Variants in UNC79 observed in about 807,000 individuals in gnomAD.
UNC79 encodes the protein protein unc-79 homolog.
A neutral mutation model predicts 283.1 loss-of-function variants in UNC79; 37 were observed. That is an observed-to-expected ratio of 0.13 (90% confidence interval 0.10 to 0.17). The LOEUF (loss-of-function observed/expected upper bound fraction) is 0.17, where lower values mean the gene tolerates loss of function less well. UNC79 is among the 10% of genes least tolerant of loss of function. UNC79 has a pLI of 1.00. For synonymous variants in UNC79, 1,107 were observed against 1,200.2 expected, an observed-to-expected ratio of 0.92 and a Z score of 1.61; for missense variants, 2,272 against 3,211.1, an observed-to-expected ratio of 0.71 and a Z score of 7.07.
intron 1 of UNC79, among the ~76,000 whole-genome samples, chr14:93,418,998 G>A (rs1399135720): frequency 1.3e-5 from 2 of 151,794 alleles, no homozygotes; most frequent in Non-Finnish European, 2.9e-5. Flanking sequence ...GCATCGCCCT[G>A]TTTCGGCTCA....
At chr14:93,360,587 G>A (rs2054200507) in intron 1 of UNC79, among the ~76,000 whole-genome samples, 1 of 152,206 alleles carries the variant, frequency 6.6e-6, no homozygotes, top group Admixed American at 6.5e-5. Flanking sequence ...CCCACCAGAA[G>A]CAATTTGCCT....
intron 7 of UNC79, among the ~76,000 whole-genome samples, chr14:93,497,882 A>G (rs2059090727): frequency 2.0e-5 from 3 of 152,058 alleles, no homozygotes; most frequent in Non-Finnish European, 1.5e-5. Context: ...GCTACTTGGG[A>G]GGCTGAGGCA....
intron 7 of UNC79, among the ~76,000 whole-genome samples, chr14:93,501,638 A>G (rs1567012947): frequency 6.6e-6 from 1 of 151,982 alleles, no homozygotes; most frequent in Admixed American, 6.5e-5. Flanking sequence ...CAGTGAGCTG[A>G]GATCGCACCA....
At chr14:93,525,406 A>C (rs2060501868) in intron 8 of UNC79, among the ~76,000 whole-genome samples, 1 of 151,890 alleles carries the variant, frequency 6.6e-6, no homozygotes, top group Non-Finnish European at 1.5e-5. Context: ...AGGAGATTGC[A>C]CCACTGCACT....
intron 7 of UNC79, among the ~76,000 whole-genome samples, chr14:93,504,273 C>CCTCCTT (rs10656334): frequency 6.6e-6 from 1 of 151,808 alleles, no homozygotes. Context: ...TCCTCCTCCT[C>CCTCCTT]CATTTCTTCC....
chr14:93,471,400 A>G (rs1265268000), intron 2 of UNC79, among the ~76,000 whole-genome samples: 1 of 152,154 alleles, frequency 6.6e-6, no homozygotes, highest in Non-Finnish European at 1.5e-5. Flanking sequence ...AATGTTTGAT[A>G]AAGAGAATCT....
chr14:93,465,119 T>C (rs570883355), intron 1 of UNC79, among the ~76,000 whole-genome samples: 1 of 152,132 alleles, frequency 6.6e-6, no homozygotes, highest in South Asian at 2.1e-4. Flanking sequence ...TCTTTCTTCC[T>C]TTTTTTTCTC....
At chr14:93,538,276 C>A in intron 12 of UNC79, 58 bp downstream of exon 12, 1 of 1,453,812 alleles carries the variant, frequency 6.9e-7, no homozygotes, top group Non-Finnish European at 9.1e-7. Flanking sequence ...TTGAGCTAAG[C>A]TCCGCACACT....
intron 35 of UNC79, among the ~76,000 whole-genome samples, chr14:93,647,673 G>A (rs915333604): frequency 1.2e-4 from 18 of 152,182 alleles, no homozygotes; most frequent in South Asian, 4.1e-4. Flanking sequence ...GTAGAGCCCT[G>A]CAGGTCATTT....
chr14:93,393,316 G>A (rs1415091122), intron 1 of UNC79, among the ~76,000 whole-genome samples: 3 of 152,116 alleles, frequency 2.0e-5, no homozygotes, highest in African/African-American at 4.8e-5. Flanking sequence ...TTCAGTAAAT[G>A]GTTCTTGAAT....
In UNC79 at chr14:93,617,022, G is replaced by A. The variant is rs535611976; in HGVS notation, c.4042-100G>A. Reference sequence around the variant, plus strand: ...GGGATGCCTGTTAAATATTTTGCCTGTTAAAAATTTTAACCACTGGGATGG... The same window carrying A: ...GGGATGCCTGTTAAATATTTTGCCTATTAAAAATTTTAACCACTGGGATGG... On this transcript the variant is annotated intron_variant, in intron 27 of 48. Coordinates refer to ENST00000555664, the Ensembl canonical transcript of UNC79. The surrounding 1 kb of genome is among the most constrained non-coding windows in gnomAD (Gnocchi z 4.5). 185 of 1,063,762 alleles carry A rather than the reference G, an allele frequency of 1.7e-4. No homozygotes were observed. Among genetic ancestry groups the A allele is most frequent in the Non-Finnish European group, 2.4e-4 (183 of 750,934 alleles). The allele number at this position is 1,063,762 out of a possible 1,614,324, so 65.9% of individuals were successfully genotyped here.
intron 14 of UNC79, among the ~76,000 whole-genome samples, chr14:93,570,784 C>T (rs2063166388): frequency 6.6e-6 from 1 of 152,204 alleles, no homozygotes; most frequent in African/African-American, 2.4e-5. Flanking sequence ...AAGGATCTGT[C>T]TTCTGGCCAC....
intron 1 of UNC79, among the ~76,000 whole-genome samples, chr14:93,404,053 C>CT (rs1336232776): frequency 6.6e-6 from 1 of 151,786 alleles, no homozygotes; most frequent in African/African-American, 2.4e-5. Context: ...AAAGTAAACC[C>CT]AGGAGAAGGG....
chr14:93,485,311 A>C (rs12888273), intron 4 of UNC79, among the ~76,000 whole-genome samples: 23 of 150,740 alleles, frequency 1.5e-4, no homozygotes, highest in African/African-American at 5.6e-4. Flanking sequence ...CTTTTTTTTA[A>C]CAAAGGGCAC....
At chr14:93,380,205 A>C (rs1261601196) in intron 1 of UNC79, among the ~76,000 whole-genome samples, 2 of 152,242 alleles carry the variant, frequency 1.3e-5, no homozygotes, top group Non-Finnish European at 2.9e-5. Context: ...AGGTTCAGGA[A>C]AAATTTGAAC....
chr14:93,500,782 T>C lies in UNC79; in HGVS notation c.898+3496T>C, dbSNP rs993728741. 3.9e-5 allele frequency among the ~76,000 whole-genome samples: 6 copies of C among 152,328 alleles called. No individual in the cohort carries two copies. The South Asian group carries it at 1.0e-3, about 26-fold the overall frequency. On this transcript the variant is annotated intron_variant, in intron 7 of 48. Transcript: ENST00000555664. Reference sequence around the variant, plus strand: ...GCCCCACATTTTTCTACTTTAACTGTGTTACATCACTTTTTTCAGTTCAGT... The same window carrying C: ...GCCCCACATTTTTCTACTTTAACTGCGTTACATCACTTTTTTCAGTTCAGT...
intron 26 of UNC79, among the ~76,000 whole-genome samples, chr14:93,607,035 C>G (rs1442370554): frequency 6.6e-6 from 1 of 152,194 alleles, no homozygotes; most frequent in Non-Finnish European, 1.5e-5. Context: ...CGTAGGAATT[C>G]AGCACCTTCA....
chr14:93,622,105 C>G (rs1236521751), exon 30 of UNC79: 1 of 1,614,036 alleles, frequency 6.2e-7, no homozygotes, highest in African/African-American at 1.3e-5. Flanking sequence ...ACTCTATACT[C>G]TCAACCTCCG....
intron 27 of UNC79, among the ~76,000 whole-genome samples, chr14:93,614,412 G>A (rs2066540085): frequency 6.6e-6 from 1 of 151,970 alleles, no homozygotes; most frequent in Non-Finnish European, 1.5e-5. Flanking sequence ...CGCCTCCTGG[G>A]TTCAGGCCAT....
Sources: allele counts gnomAD v4.1 joint callset (sites outside exome capture counted in the v4.1 genomes callset), GRCh38; gene constraint gnomAD v4.1.1; non-coding constraint Gnocchi (gnomAD v3.1); transcripts MANE v1.5; gene names NCBI Gene and HGNC (gene_info 2026-07-23, HGNC 2026-07-21).